The following ACTL6B variants were observed in gnomAD, a reference collection of about 807,000 sequenced individuals.
ACTL6B encodes actin like 6B.
Under a neutral mutation model 63.3 loss-of-function variants are expected in ACTL6B, and 48 were observed. The ratio of observed to expected loss-of-function variants is 0.76; its 90% CI spans 0.60 to 0.96. The LOEUF (loss-of-function observed/expected upper bound fraction) is 0.96. Ranked by LOEUF, ACTL6B falls within the 50% of genes least tolerant of loss-of-function variation. ACTL6B has a pLI of 0.00. For synonymous variants in ACTL6B, 230 were observed against 223.8 expected (o/e 1.03, Z -0.25); for missense variants, 350 against 572.2 (o/e 0.61, Z 3.96).
At chr7:100,653,576 G>A (rs1803982124) in intron 4 of ACTL6B, among the ~76,000 whole-genome samples, 1 of 152,112 alleles carries the variant, frequency 6.6e-6, no homozygotes, top group Non-Finnish European at 1.5e-5. Flanking sequence ...CTTGAGCCCA[G>A]GAGACCAAGG....
chr7:100,647,146 C>T lies in ACTL6B; in HGVS notation c.822-61G>A, dbSNP rs1482819859. ...TCAAGAAGGATCAGTGCGTGGGCAG[C>T]ACCAGAGCCCCCCAGCCCACCCCAA... On this transcript the variant is annotated intron_variant, in intron 9 of 13. Transcript: ENST00000160382. This position sits in a 1 kb window ranked among gnomAD's most constrained non-coding sequence, Gnocchi z 4.4. 2.5e-6 allele frequency: 4 copies of T among 1,609,582 alleles called. No homozygotes were observed. In the Admixed American group the frequency reaches 5.0e-5, roughly 20 times the overall value.
intron 4 of ACTL6B, among the ~76,000 whole-genome samples, chr7:100,650,442 C>G (rs1484256359): frequency 6.6e-6 from 1 of 151,908 alleles, no homozygotes; most frequent in Non-Finnish European, 1.5e-5. Context: ...AACACACTCA[C>G]AAACACACGG....
intron 4 of ACTL6B, among the ~76,000 whole-genome samples, chr7:100,652,329 C>T (rs746837159): frequency 9.3e-4 from 141 of 151,342 alleles, no homozygotes; most frequent in Non-Finnish European, 1.8e-3. Flanking sequence ...GTCCCAGCTA[C>T]TTGGGAGGCT....
intron 1 of ACTL6B, among the ~76,000 whole-genome samples, chr7:100,656,118 C>A (rs1006207177): frequency 1.3e-5 from 2 of 152,216 alleles, no homozygotes; most frequent in African/African-American, 4.8e-5. Flanking sequence ...AAGGAAGGGG[C>A]CCGGGGCCAG....
At position 100,650,335 on chromosome 7, in the gene ACTL6B, CAT is replaced by C. The variant is rs202196232; in HGVS notation, c.370-202_370-201del. Among the ~76,000 whole-genome samples, 19 of 151,652 alleles carry C rather than the reference CAT, an allele frequency of 1.3e-4. No individual in the cohort carries two copies. The East Asian group carries it at 2.7e-3, about 22-fold the overall frequency. On this transcript the variant is annotated intron_variant, in intron 4 of 13. Coordinates refer to ENST00000160382, the MANE Select transcript of ACTL6B (RefSeq NM_016188.5). ...ATGCATTCACTTGCACACACACACA[CAT>C]ACACTCAAACACACACACATACACT...
intron 4 of ACTL6B, among the ~76,000 whole-genome samples, chr7:100,653,098 AG>A (rs1803973383): frequency 1.3e-5 from 2 of 149,686 alleles, no homozygotes; most frequent in African/African-American, 4.9e-5. Context: ...AAGAAAGGAA[AG>A]GTGATCATGG....
rs1409122825 is a variant in ACTL6B, at chr7:100,646,952, C to A, written c.936+19G>T. 5.0e-6 allele frequency: 8 copies of A among 1,613,058 alleles called. No homozygotes were observed. The highest frequency in any genetic ancestry group is 5.1e-6 in the Non-Finnish European group (6 of 1,179,318). The stretch of plus-strand genomic sequence containing the variant: ...GACTGCAGCCAGCACCCACCCCAGT[C>A]CTCGCCACACAGCCAAACCTTGACG... On this transcript the variant is annotated intron_variant, in intron 10 of 13. Coordinates refer to ENST00000160382, the MANE Select transcript of ACTL6B (RefSeq NM_016188.5). The surrounding 1 kb of genome is among the most constrained non-coding windows in gnomAD (Gnocchi z 6.1).
chr7:100,647,196 C>T lies in ACTL6B; in HGVS notation c.821+27G>A. The T allele has an allele frequency of 6.2e-7, 1 of 1,613,350 alleles. No individual in the cohort carries two copies. Among genetic ancestry groups the T allele is most frequent in the South Asian group, 1.1e-5 (1 of 91,068 alleles). ...AGAGTGCCGGTTCTGCCCTCTCTCCCACCCCAAAGCCCTGAGCCACACTCA... is the reference window on the plus strand; with the variant it reads ...AGAGTGCCGGTTCTGCCCTCTCTCCTACCCCAAAGCCCTGAGCCACACTCA... On this transcript the variant is annotated intron_variant, in intron 9 of 13. Transcript: ENST00000160382. This position sits in a 1 kb window ranked among gnomAD's most constrained non-coding sequence, Gnocchi z 4.4.
chr7:100,643,328 T>G lies in ACTL6B; in HGVS notation c.1201-2A>C. 6.2e-7 allele frequency: 1 copy of G among 1,613,410 alleles called. No homozygotes were observed. Among genetic ancestry groups the G allele is most frequent in the Non-Finnish European group, 8.5e-7 (1 of 1,179,916 alleles). Reference sequence around the variant, plus strand: ...GATCCACATCTGCTGGAAAGTGCCCTGGGTGGAGGGGGTAATATCAGGGTC... The same window carrying G: ...GATCCACATCTGCTGGAAAGTGCCCGGGGTGGAGGGGGTAATATCAGGGTC... On this transcript the variant is annotated splice_acceptor_variant, in intron 13 of 13. Transcript: ENST00000160382. LOFTEE classifies it high-confidence loss of function.
Position 100,647,160 on chromosome 7 carries a change from A to T in ACTL6B, c.821+63T>A. The T allele has an allele frequency of 6.4e-7, 1 of 1,556,050 alleles. No individual in the cohort carries two copies. The highest frequency in any genetic ancestry group is 8.9e-7 in the Non-Finnish European group (1 of 1,128,922). Reference sequence around the variant, plus strand: ...TGCGTGGGCAGCACCAGAGCCCCCCAGCCCACCCCAAGAGTGCCGGTTCTG... The same window carrying T: ...TGCGTGGGCAGCACCAGAGCCCCCCTGCCCACCCCAAGAGTGCCGGTTCTG... On this transcript the variant is annotated intron_variant, in intron 9 of 13. Coordinates refer to ENST00000160382, the MANE Select transcript of ACTL6B (RefSeq NM_016188.5). The surrounding 1 kb of genome is among the most constrained non-coding windows in gnomAD (Gnocchi z 4.4).
chr7:100,646,837 G>A lies in ACTL6B; in HGVS notation c.937-6C>T. On this transcript the variant is annotated splice_region_variant and splice_polypyrimidine_tract_variant and intron_variant, in intron 10 of 13. Coordinates refer to ENST00000160382, the MANE Select transcript of ACTL6B (RefSeq NM_016188.5). The surrounding 1 kb of genome is among the most constrained non-coding windows in gnomAD (Gnocchi z 6.1). ...ATGGTGTTCCCCGACAGGCCCTGCAGAGAGAGGTGACTGGGGCTGTGGGCT... is the reference window on the plus strand; with the variant it reads ...ATGGTGTTCCCCGACAGGCCCTGCAAAGAGAGGTGACTGGGGCTGTGGGCT... 1.2e-6 allele frequency: 2 copies of A among 1,611,322 alleles called. No homozygotes were observed. Among genetic ancestry groups the A allele is most frequent in the Non-Finnish European group, 1.7e-6 (2 of 1,179,026 alleles).
intron 13 of ACTL6B, among the ~76,000 whole-genome samples, chr7:100,644,472 G>T (rs1384095802): frequency 6.6e-6 from 1 of 151,764 alleles, no homozygotes; most frequent in Non-Finnish European, 1.5e-5. Flanking sequence ...GGTTTTTTTT[G>T]AGACAGGATC....
At chr7:100,653,688 A>G (rs1229777506) in intron 4 of ACTL6B, among the ~76,000 whole-genome samples, 1 of 151,744 alleles carries the variant, frequency 6.6e-6, no homozygotes, top group Non-Finnish European at 1.5e-5. Context: ...AAAACCCCAA[A>G]CAACAACAAC....
Position 100,648,817 on chromosome 7 carries a change from T to C in ACTL6B, c.474A>G (p.Ala158=). Residue 158 remains alanine (A), a synonymous_variant, in exon 6 of 14, where the codon GCA becomes GCG. Coordinates refer to ENST00000160382, the MANE Select transcript of ACTL6B (RefSeq NM_016188.5). The surrounding 1 kb of genome is among the most constrained non-coding windows in gnomAD (Gnocchi z 4.4). ...LCKTAVLTAF[A]NGRSTGLVLD... ...GCACGAGGCCAGTGGACCGCCCGTT[T>C]GCAAAGCTGGCATCGGATGGGTAAG... is the stretch of plus-strand genomic sequence containing the variant. 6.2e-7 allele frequency: 1 copy of C among 1,613,540 alleles called. No homozygotes were observed. The highest frequency in any genetic ancestry group is 8.5e-7 in the Non-Finnish European group (1 of 1,179,792).
In ACTL6B at chr7:100,648,874, T is replaced by C; in HGVS notation, c.468-51A>G. 6.4e-7 allele frequency: 1 copy of C among 1,554,228 alleles called. No homozygotes were observed. Among genetic ancestry groups the C allele is most frequent in the Non-Finnish European group, 8.7e-7 (1 of 1,145,222 alleles). ...AGACAGCAGCAGCAAGTGAGGGGCCTGGGCCCAGATCTTGTCTGGTCACTC... is the reference window on the plus strand; with the variant it reads ...AGACAGCAGCAGCAAGTGAGGGGCCCGGGCCCAGATCTTGTCTGGTCACTC... On this transcript the variant is annotated intron_variant, in intron 5 of 13. Transcript: ENST00000160382. This position sits in a 1 kb window ranked among gnomAD's most constrained non-coding sequence, Gnocchi z 4.4.
At chr7:100,649,406 T>G (rs1381794083) in intron 5 of ACTL6B, among the ~76,000 whole-genome samples, 1 of 151,862 alleles carries the variant, frequency 6.6e-6, no homozygotes, top group Admixed American at 6.6e-5. Flanking sequence ...CAAGAGATTC[T>G]CCTGCCTCAG....
In ACTL6B at chr7:100,655,473, C is replaced by CA. The variant is rs759731286; in HGVS notation, c.215dup (p.His73AlafsTer39). 1 of 1,614,192 alleles carries CA rather than the reference C, an allele frequency of 6.2e-7. No homozygotes were observed. Among genetic ancestry groups the CA allele is most frequent in the Non-Finnish European group, 8.5e-7 (1 of 1,180,036 alleles). On this transcript the variant is annotated frameshift_variant, in exon 3 of 14. Coordinates refer to ENST00000160382, the MANE Select transcript of ACTL6B (RefSeq NM_016188.5). LOFTEE classifies it high-confidence loss of function. This position sits in a 1 kb window ranked among gnomAD's most constrained non-coding sequence, Gnocchi z 4.4. ...CCTCCGCTCCATCCCGAGGCACGTG[C>CA]AGGGCATTGGTGTCGATGTGGAAGA...
rs1048096226 is a variant in ACTL6B, at chr7:100,648,330, C to G, written c.669+226G>C. On this transcript the variant is annotated intron_variant, in intron 7 of 13. Coordinates refer to ENST00000160382, the MANE Select transcript of ACTL6B (RefSeq NM_016188.5). The surrounding 1 kb of genome is among the most constrained non-coding windows in gnomAD (Gnocchi z 4.4). ...ATATTGGACCCTAGAACCCACCACACTGGCCCTCACACATCCTGCTGTCTG... is the reference window on the plus strand; with the variant it reads ...ATATTGGACCCTAGAACCCACCACAGTGGCCCTCACACATCCTGCTGTCTG... The G allele has an allele frequency of 1.7e-5, 8 of 479,672 alleles. No homozygotes were observed. Among genetic ancestry groups the G allele is most frequent in the African/African-American group, 1.6e-4 (8 of 50,964 alleles). 29.7% of individuals were successfully genotyped at this position (479,672 alleles called of 1,614,324 possible). A position where few individuals can be genotyped will look rare whatever the true frequency, so the allele number is the denominator to read the frequency against.
chr7:100,649,822 G>A (rs1179314095), intron 5 of ACTL6B: 5 of 508,376 alleles, frequency 9.8e-6, no homozygotes, highest in East Asian at 3.4e-5. Context: ...AGCCTGATCC[G>A]GGGAACCGAA....
Sources: allele counts gnomAD v4.1 joint callset (sites outside exome capture counted in the v4.1 genomes callset), GRCh38; gene constraint gnomAD v4.1.1; non-coding constraint Gnocchi (gnomAD v3.1); transcripts MANE v1.5; gene names NCBI Gene and HGNC (gene_info 2026-07-23, HGNC 2026-07-21).